Variants in CNBD1 observed in about 807,000 individuals in gnomAD.
CNBD1 encodes the protein cyclic nucleotide binding domain containing 1.
A neutral mutation model predicts 54.4 loss-of-function variants in CNBD1; 71 were observed. That is an observed-to-expected ratio of 1.30 (90% confidence interval 1.08 to 1.59). The LOEUF is 1.59. Among genes scored for constraint, CNBD1 ranks in the 40% most tolerant of loss-of-function variants. The pLI, the probability that CNBD1 is intolerant of heterozygous loss-of-function variation, is 0.00. For synonymous variants in CNBD1, 182 were observed against 170.7 expected, an observed-to-expected ratio of 1.07 and a Z score of -0.51; for missense variants, 659 against 518.0, an observed-to-expected ratio of 1.27 and a Z score of -2.64.
chr8:87,425,556 A>T (rs1175259105), intron 2 of CNBD1, among the ~76,000 whole-genome samples: 2 of 151,990 alleles, frequency 1.3e-5, no homozygotes, highest in Non-Finnish European at 2.9e-5. Context: ...CCTCAGCTGC[A>T]GGTCTGTTGG....
At chr8:87,333,122 C>A (rs1465976366) in intron 8 of CNBD1, among the ~76,000 whole-genome samples, 1 of 151,958 alleles carries the variant, frequency 6.6e-6, no homozygotes, top group East Asian at 1.9e-4. Flanking sequence ...GTATTTTATT[C>A]TCTTCATAGC....
intron 4 of CNBD1, among the ~76,000 whole-genome samples, chr8:87,044,252 A>G (rs548953836): frequency 5.0e-4 from 76 of 150,916 alleles, no homozygotes; most frequent in Non-Finnish European, 8.0e-4. Context: ...TTATTTTTGT[A>G]TTATTTTTAT....
intron 4 of CNBD1, among the ~76,000 whole-genome samples, chr8:87,011,502 T>G (rs1373780135): frequency 6.6e-6 from 1 of 152,170 alleles, no homozygotes; most frequent in Non-Finnish European, 1.5e-5. Flanking sequence ...TTATTTTTTC[T>G]TGTTTTGGAG....
chr8:86,941,753 T>C (rs1809660205), intron 4 of CNBD1, among the ~76,000 whole-genome samples: 1 of 152,156 alleles, frequency 6.6e-6, no homozygotes, highest in Non-Finnish European at 1.5e-5. Flanking sequence ...TAGAAGGTGG[T>C]CCAAGCACAG....
rs138762321 is a variant in CNBD1 at position 86,942,888 on chromosome 8, A to G, written c.431+3134A>G. On this transcript the variant is annotated intron_variant, in intron 4 of 10. Transcript: ENST00000518476. ...CACTAAAGTAATTCAATTAAAATCT[A>G]TTTATTGATGGATAAGTTGTCAGGT... 3.9e-5 allele frequency among the ~76,000 whole-genome samples: 6 copies of G among 152,304 alleles called. No homozygotes were observed. In the East Asian group the frequency reaches 5.8e-4, roughly 15 times the overall value.
rs145033616 is a variant in CNBD1, at chr8:87,235,328, G to A, written c.578-1591G>A. Among the ~76,000 whole-genome samples, 11 of 152,226 alleles carry A rather than the reference G, an allele frequency of 7.2e-5. No individual in the cohort carries two copies. In the East Asian group the frequency reaches 7.7e-4, roughly 11 times the overall value. Reference sequence around the variant, plus strand: ...TGGCTTACTATTTGGTGTAAAAGGCGTAGTATTCAGCATATTTCATCTTTC... The same window carrying A: ...TGGCTTACTATTTGGTGTAAAAGGCATAGTATTCAGCATATTTCATCTTTC... On this transcript the variant is annotated intron_variant, in intron 5 of 10. Coordinates refer to ENST00000518476, the MANE Select transcript of CNBD1 (RefSeq NM_173538.3).
At chr8:87,333,351 T>C (rs1391127082) in intron 8 of CNBD1, among the ~76,000 whole-genome samples, 2 of 152,152 alleles carry the variant, frequency 1.3e-5, no homozygotes, top group African/African-American at 4.8e-5. Flanking sequence ...CTCTTTCTAT[T>C]TGAATATCCT....
chr8:86,960,211 G>T (rs1672804876), intron 4 of CNBD1, among the ~76,000 whole-genome samples: 1 of 152,062 alleles, frequency 6.6e-6, no homozygotes, highest in East Asian at 1.9e-4. Context: ...AAGCACAAGG[G>T]GTCAGGGAAT....
At chr8:86,906,098 A>G (rs1809012950) in intron 3 of CNBD1, among the ~76,000 whole-genome samples, 1 of 152,200 alleles carries the variant, frequency 6.6e-6, no homozygotes, top group Non-Finnish European at 1.5e-5. Flanking sequence ...TGAATAGTAG[A>G]TGTGTGTTGC....
intron 5 of CNBD1, among the ~76,000 whole-genome samples, chr8:87,225,306 A>G (rs1203694907): frequency 1.3e-5 from 2 of 150,064 alleles, no homozygotes; most frequent in South Asian, 2.1e-4. Context: ...GAGAGAGGGC[A>G]TCCCTGTCTT....
chr8:87,126,865 T>C (rs1439843596), intron 4 of CNBD1, among the ~76,000 whole-genome samples: 2 of 151,948 alleles, frequency 1.3e-5, no homozygotes, highest in East Asian at 3.9e-4. Flanking sequence ...AGATATCCAG[T>C]GGTTCCAGAA....
chr8:87,072,863 G>A (rs1360221325), intron 4 of CNBD1, among the ~76,000 whole-genome samples: 2 of 152,060 alleles, frequency 1.3e-5, no homozygotes, highest in African/African-American at 4.8e-5. Context: ...TGTCTTTCTA[G>A]GTTGAGGAAG....
chr8:87,334,253 T>C (rs1300552889), intron 8 of CNBD1, among the ~76,000 whole-genome samples: 1 of 152,098 alleles, frequency 6.6e-6, no homozygotes, highest in Admixed American at 6.5e-5. Flanking sequence ...TTATTGTGTC[T>C]ATTTGATTCT....
At chr8:87,404,056 G>A (rs1807612751) in intron 2 of CNBD1, among the ~76,000 whole-genome samples, 1 of 152,034 alleles carries the variant, frequency 6.6e-6, no homozygotes, top group Non-Finnish European at 1.5e-5. Flanking sequence ...ATCCTGTTGA[G>A]GAATCCAGCA....
Position 87,381,664 on chromosome 8 carries a change from T to A in CNBD1, c.1304-956T>A, listed in dbSNP as rs190274340. On this transcript the variant is annotated intron_variant, in intron 10 of 10. Coordinates refer to ENST00000518476, the MANE Select transcript of CNBD1 (RefSeq NM_173538.3). Reference sequence around the variant, plus strand: ...TTAAAAATATGTACATAAAATGGAATGCTATTCAGCCTTAAAAAGGAAATT... The same window carrying A: ...TTAAAAATATGTACATAAAATGGAAAGCTATTCAGCCTTAAAAAGGAAATT... 2.4e-4 allele frequency among the ~76,000 whole-genome samples: 37 copies of A among 152,168 alleles called. No homozygotes were observed. The East Asian group carries it at 4.8e-3, about 20-fold the overall frequency.
intron 8 of CNBD1, among the ~76,000 whole-genome samples, chr8:87,293,287 A>G (rs1046107710): frequency 1.3e-5 from 2 of 152,114 alleles, no homozygotes; most frequent in Admixed American, 6.6e-5. Context: ...GCTCACACCC[A>G]TATCCTGGCA....
At chr8:87,236,131 A>G (rs1432402156) in intron 5 of CNBD1, among the ~76,000 whole-genome samples, 1 of 152,184 alleles carries the variant, frequency 6.6e-6, no homozygotes, top group Non-Finnish European at 1.5e-5. Flanking sequence ...GCAAAGTGTA[A>G]GAAAATATCT....
chr8:87,424,157 T>C (rs1021008861), intron 2 of CNBD1, among the ~76,000 whole-genome samples: 1 of 151,944 alleles, frequency 6.6e-6, no homozygotes, highest in Non-Finnish European at 1.5e-5. Flanking sequence ...TCTATTTGAC[T>C]CTTCTCCCTT....
chr8:87,089,436 C>A (rs1275705013), intron 4 of CNBD1, among the ~76,000 whole-genome samples: 1 of 151,914 alleles, frequency 6.6e-6, no homozygotes, highest in Admixed American at 6.6e-5. Context: ...AGTTCTGGCA[C>A]CAGAAAATGG....
Sources: gnomAD v4.1 joint callset for allele counts (sites outside exome capture counted in the v4.1 genomes callset) on GRCh38, gnomAD v4.1.1 for gene constraint, MANE v1.5 for transcripts, NCBI Gene and HGNC (gene_info 2026-07-23, HGNC 2026-07-21) for gene names.